Variants in PLCB3 observed in about 807,000 individuals in gnomAD.
The protein encoded by PLCB3 is phospholipase C beta 3, also known as 1-phosphatidylinositol 4,5-bisphosphate phosphodiesterase beta-3.
In PLCB3, 54 loss-of-function variants were observed where a neutral mutation model predicts 152.1. The observed-to-expected ratio is 0.36, with a 90% CI of 0.29 to 0.45. The LOEUF (loss-of-function observed/expected upper bound fraction) is 0.45. PLCB3 is among the 20% of genes least tolerant of loss of function. The pLI is 1.00. For synonymous variants in PLCB3, 717 were observed against 698.7 expected (o/e 1.03, Z -0.41); for missense variants, 1,248 against 1,687.5 (o/e 0.74, Z 4.56).
At position 64,255,305 on chromosome 11, in the gene PLCB3, G is replaced by A. The variant is rs750183085; in HGVS notation, c.459G>A (p.Leu153=). The stretch of plus-strand genomic sequence containing the variant: ...AGAACGCCTCCCGGAACACCTTCCT[G>A]CGCAAAGCGTGAGCCCCAGGCCACC... ...LAQNASRNTF[L]RKAYTKLKLQ... Residue 153 remains leucine (L), a synonymous_variant, in exon 5 of 31, where the codon CTG becomes CTA. Coordinates refer to ENST00000279230, the MANE Select transcript of PLCB3 (RefSeq NM_000932.5). This position sits in a 1 kb window ranked among gnomAD's most constrained non-coding sequence, Gnocchi z 6.8. 5.6e-6 allele frequency: 9 copies of A among 1,613,962 alleles called. No individual in the cohort carries two copies. The highest frequency in any genetic ancestry group is 1.7e-5 in the Admixed American group (1 of 60,028).
At chr11:64,259,307 G>A (rs890446062) in intron 13 of PLCB3, 63 bp downstream of exon 13, 77 of 1,293,668 alleles carry the variant, frequency 6.0e-5, no homozygotes, top group Non-Finnish European at 7.4e-5. Flanking sequence ...TGCTCCAGGC[G>A]CCGTGACACT....
chr11:64,259,972 A>G, intron 13 of PLCB3, 57 bp from the exon 14 acceptor site: 20 of 1,463,028 alleles, frequency 1.4e-5, no homozygotes, highest in Non-Finnish European at 1.9e-5. Context: ...ACCCCTCCAG[A>G]CTTCCTAAGC....
intron 9 of PLCB3, 26 bp downstream of exon 9, chr11:64,256,568 T>G (rs569919320): frequency 1.2e-6 from 2 of 1,612,838 alleles, no homozygotes; most frequent in South Asian, 2.2e-5. Flanking sequence ...TGCAGGTGGG[T>G]GGGGGCAGGT....
In PLCB3 at chr11:64,254,941, C is replaced by T. The variant is rs1436761041; in HGVS notation, c.290C>T (p.Ala97Val). The T allele has an allele frequency of 4.4e-6, 7 of 1,602,514 alleles. No homozygotes were observed. The Admixed American group carries it at 1.0e-4, about 23-fold the overall frequency. Residue 97 changes from alanine (A) to valine (V), a missense_variant, in exon 4 of 31, where the codon GCC becomes GTC. Coordinates refer to ENST00000279230, the MANE Select transcript of PLCB3 (RefSeq NM_000932.5). ...GTTCTGGGCTTTGGGGGTCCCGATG[C>T]CCGGCTGGAGGAGAAGCTGATGACG... is the stretch of plus-strand genomic sequence containing the variant. Reference protein sequence around the residue: ...REVLGFGGPDARLEEKLMTVV... With the variant: ...REVLGFGGPDVRLEEKLMTVV...
Position 64,264,970 on chromosome 11 carries a change from C to T in PLCB3, c.2672C>T (p.Thr891Met), listed in dbSNP as rs199593049. 2.0e-5 allele frequency: 33 copies of T among 1,612,944 alleles called. No homozygotes were observed. The highest frequency in any genetic ancestry group is 1.6e-4 in the African/African-American group (12 of 74,972). Residue 891 changes from threonine to methionine, a missense_variant, in exon 23 of 31, where the codon ACG becomes ATG. Physicochemically the swap from Thr to Met is moderately conservative, Grantham distance 81. Coordinates refer to ENST00000279230, the MANE Select transcript of PLCB3 (RefSeq NM_000932.5). Reference sequence around the variant, plus strand: ...CTATAGGCTCAGGCTGGCCAAGAGACGTGCCAGGACACCCAGTCTCAGCAG... The same window carrying T: ...CTATAGGCTCAGGCTGGCCAAGAGATGTGCCAGGACACCCAGTCTCAGCAG... ...GESEAQAGQE[T>M]CQDTQSQQLG... is the part of the protein sequence containing the mutation.
rs748802542 is a variant in PLCB3, at chr11:64,262,840, A to T, written c.2355+32A>T. 7 of 1,603,868 alleles carry T rather than the reference A, an allele frequency of 4.4e-6. No individual in the cohort carries two copies. The South Asian group carries it at 7.7e-5, about 18-fold the overall frequency. On this transcript the variant is annotated intron_variant, in intron 19 of 30. Coordinates refer to ENST00000279230, the MANE Select transcript of PLCB3 (RefSeq NM_000932.5). ...CTGGCCCCTGCACCCGCCCAGGCACAGGCAGATCCAGCCCAGACCGCCCCG... is the reference window on the plus strand; with the variant it reads ...CTGGCCCCTGCACCCGCCCAGGCACTGGCAGATCCAGCCCAGACCGCCCCG...
chr11:64,264,027 C>T lies in PLCB3; in HGVS notation c.2567C>T (p.Ala856Val), dbSNP rs758823609. The T allele has an allele frequency of 2.5e-6, 4 of 1,572,164 alleles. No individual in the cohort carries two copies. Among genetic ancestry groups the T allele is most frequent in the Admixed American group, 1.9e-5 (1 of 52,894 alleles). The change falls in exon 22 of 31, where the codon GCG becomes GTG. Residue 856 changes from alanine (A) to valine (V), a missense_variant. Coordinates refer to ENST00000279230, the MANE Select transcript of PLCB3 (RefSeq NM_000932.5). Reference sequence around the variant, plus strand: ...GCCTTCTGCCTCCCCCCAGACTATGCGGAGGCCCTGATCAACCCCATTAAG... The same window carrying T: ...GCCTTCTGCCTCCCCCCAGACTATGTGGAGGCCCTGATCAACCCCATTAAG... ...DYIPDDHQDYAEALINPIKHV... is the reference protein window; with the variant it reads ...DYIPDDHQDYVEALINPIKHV...
In PLCB3 at chr11:64,255,634, A is replaced by AAG; in HGVS notation, c.597+18_597+19insAG. 1.0e-5 allele frequency: 6 copies of AAG among 583,258 alleles called. No homozygotes were observed. The highest frequency in any genetic ancestry group is 1.8e-5 in the Non-Finnish European group (6 of 325,586). The allele number at this position is 583,258 out of a possible 1,614,324, so 36.1% of individuals were successfully genotyped here. On this transcript the variant is annotated intron_variant, in intron 7 of 30. Transcript: ENST00000279230. This position sits in a 1 kb window ranked among gnomAD's most constrained non-coding sequence, Gnocchi z 6.8. Reference sequence around the variant, plus strand: ...TCAACCGGGTGTGTGGGGTGGGGACAGGGGCGGGGTGGGGTGTCACGGTGG... The same window carrying AAG: ...TCAACCGGGTGTGTGGGGTGGGGACAAGGGGGCGGGGTGGGGTGTCACGGTGG...
At chr11:64,259,952 A>G in intron 13 of PLCB3, 77 bp from the exon 14 acceptor site, 1 of 1,247,004 alleles carries the variant, frequency 8.0e-7, no homozygotes, top group Non-Finnish European at 1.1e-6. Flanking sequence ...CTCGGCACAC[A>G]CTGGGAAAAA....
chr11:64,254,097 G>T (rs1335820688), intron 1 of PLCB3, among the ~76,000 whole-genome samples: 1 of 152,174 alleles, frequency 6.6e-6, no homozygotes, highest in Non-Finnish European at 1.5e-5. Flanking sequence ...CAGATTTCAC[G>T]GGTGGAGAAG....
chr11:64,266,161 A>G lies in PLCB3; in HGVS notation c.3225A>G (p.Ala1075=), dbSNP rs780343552. Residue 1075 remains alanine, a synonymous_variant, in exon 27 of 31, where the codon GCA becomes GCG. Transcript: ENST00000279230. The surrounding 1 kb of genome is among the most constrained non-coding windows in gnomAD (Gnocchi z 4.9). ...GGCTCAGGGAGGTCGTCCTTGATGC[A>G]AACACAACTCAGTTCAAGAGGCTGA... ...LQRLREVVLD[A]NTTQFKRLKE... 5 of 1,613,978 alleles carry G rather than the reference A, an allele frequency of 3.1e-6. No homozygotes were observed. Among genetic ancestry groups the G allele is most frequent in the Non-Finnish European group, 4.2e-6 (5 of 1,180,022 alleles).
Position 64,267,761 on chromosome 11 carries a change from C to CAGGCCCTAGGTT in PLCB3, c.*208_*209insCCCTAGGTTAGG. On this transcript the variant is annotated 3_prime_UTR_variant, in exon 31 of 31. Transcript: ENST00000279230. This position sits in a 1 kb window ranked among gnomAD's most constrained non-coding sequence, Gnocchi z 5.2. ...CTCAGTCTTAGGTTAGGGCCTTGGT[C>CAGGCCCTAGGTT]AGGGCTTTGCTCCCTGTGACACCCA... The CAGGCCCTAGGTT allele has an allele frequency of 1.8e-6, 1 of 550,940 alleles. No homozygotes were observed. Among genetic ancestry groups the CAGGCCCTAGGTT allele is most frequent in the Non-Finnish European group, 3.2e-6 (1 of 314,984 alleles). 34.1% of individuals were successfully genotyped at this position (550,940 alleles called of 1,614,324 possible).
intron 21 of PLCB3, 109 bp from the exon 22 acceptor site, chr11:64,263,912 G>A (rs1279000715): frequency 5.1e-6 from 6 of 1,186,760 alleles, no homozygotes; most frequent in African/African-American, 1.5e-5. Context: ...ACTGAGTAGG[G>A]AACAGATCTG....
chr11:64,255,047 G>A lies in PLCB3; in HGVS notation c.387+9G>A. The A allele has an allele frequency of 6.4e-7, 1 of 1,569,524 alleles. No homozygotes were observed. The highest frequency in any genetic ancestry group is 8.7e-7 in the Non-Finnish European group (1 of 1,154,846). On this transcript the variant is annotated intron_variant, in intron 4 of 30. Transcript: ENST00000279230. This position sits in a 1 kb window ranked among gnomAD's most constrained non-coding sequence, Gnocchi z 6.8. ...AGGATGACACAGCCAAGGTGGGCTG[G>A]CACCAAGGGGACGAAGGGGGAGTCA...
downstream of PLCB3, chr11:64,268,382 G>C (rs896881471): frequency 3.3e-5 from 5 of 152,366 alleles, no homozygotes; most frequent in African/African-American, 9.6e-5. Context: ...TTCAGAAATA[G>C]GTGGGCAGTA....
In PLCB3 at chr11:64,261,588, C is replaced by A. The variant is rs754635618; in HGVS notation, c.1836C>A (p.Asn612Lys). The change falls in exon 16 of 31, where the codon AAC becomes AAA. Residue 612 changes from asparagine to lysine, a missense_variant. Transcript: ENST00000279230. ...FKSFEAARKRNKCFEMSSFVE... is the reference protein window; with the variant it reads ...FKSFEAARKRKKCFEMSSFVE... Reference sequence around the variant, plus strand: ...TCTTGGCTCACCCCTAAGAGAGGAACAAATGCTTCGAGATGTCGTCCTTTG... The same window carrying A: ...TCTTGGCTCACCCCTAAGAGAGGAAAAAATGCTTCGAGATGTCGTCCTTTG... 2 of 1,614,158 alleles carry A rather than the reference C, an allele frequency of 1.2e-6. No homozygotes were observed.
At position 64,265,905 on chromosome 11, in the gene PLCB3, G is replaced by C; in HGVS notation, c.3055G>C (p.Glu1019Gln). Residue 1019 changes from glutamate (E) to glutamine (Q), a missense_variant, in exon 26 of 31, where the codon GAG (glutamate) becomes CAG (glutamine). By Grantham distance (29) the Glu-to-Gln change is conservative. Transcript: ENST00000279230. ...PGALGGAADV[E>Q]DTKEGEDEAK... is the part of the protein sequence containing the mutation. The stretch of plus-strand genomic sequence containing the variant: ...TCGCAGAGGTGGGGCCGCTGATGTG[G>C]AGGACACGAAGGAGGGGGAGGACGA... 1 of 1,613,110 alleles carries C rather than the reference G, an allele frequency of 6.2e-7. No homozygotes were observed. Among genetic ancestry groups the C allele is most frequent in the Non-Finnish European group, 8.5e-7 (1 of 1,179,998 alleles).
At position 64,264,937 on chromosome 11, in the gene PLCB3, CTT is replaced by C; in HGVS notation, c.2653-12_2653-11del. The C allele has an allele frequency of 6.2e-7, 1 of 1,612,702 alleles. No homozygotes were observed. The highest frequency in any genetic ancestry group is 1.1e-5 in the South Asian group (1 of 91,060). ...CAGCATTTCTGAAAAGAGCATTCTCCTTTCTCCCTATAGGCTCAGGCTGGCCA... is the reference window on the plus strand; with the variant it reads ...CAGCATTTCTGAAAAGAGCATTCTCCTCTCCCTATAGGCTCAGGCTGGCCA... On this transcript the variant is annotated splice_polypyrimidine_tract_variant and intron_variant, in intron 22 of 30. Coordinates refer to ENST00000279230, the MANE Select transcript of PLCB3 (RefSeq NM_000932.5).
At chr11:64,257,956 C>T (rs2031625945) in intron 10 of PLCB3, among the ~76,000 whole-genome samples, 1 of 151,950 alleles carries the variant, frequency 6.6e-6, no homozygotes, top group Non-Finnish European at 1.5e-5. Context: ...GAGTTCGAGA[C>T]CAGCCTGGCC....
Sources: allele counts gnomAD v4.1 joint callset (sites outside exome capture counted in the v4.1 genomes callset), GRCh38; gene constraint gnomAD v4.1.1; non-coding constraint Gnocchi (gnomAD v3.1); transcripts MANE v1.5; gene names NCBI Gene and HGNC (gene_info 2026-07-23, HGNC 2026-07-21).